The following PDE4D variants were observed in gnomAD, a reference collection of about 807,000 sequenced individuals.
PDE4D encodes phosphodiesterase 4D, also known as 3',5'-cyclic-AMP phosphodiesterase 4D.
Under a neutral mutation model 87.4 loss-of-function variants are expected in PDE4D, and 24 were observed. That is an observed-to-expected ratio of 0.27 (90% CI 0.20 to 0.39). PDE4D has a LOEUF of 0.39. Among genes scored for constraint, PDE4D ranks in the 10% least tolerant of loss-of-function variants. The pLI, the probability that PDE4D is intolerant of heterozygous loss-of-function variation, is 1.00. For missense variants in PDE4D, 714 were observed against 1,041.0 expected (o/e 0.69, Z 4.32); for synonymous variants, 384 against 383.2 (o/e 1.00, Z -0.02).
At chr5:59,623,517 G>A (rs779758861) in intron 1 of PDE4D, among the ~76,000 whole-genome samples, 7 of 152,142 alleles carry the variant, frequency 4.6e-5, no homozygotes, top group African/African-American at 1.4e-4. Context: ...TTCCATCTCC[G>A]AGGCTTGAAA....
chr5:59,615,111 T>A (rs1263339555), intron 1 of PDE4D, among the ~76,000 whole-genome samples: 1 of 152,200 alleles, frequency 6.6e-6, no homozygotes, highest in Non-Finnish European at 1.5e-5. Flanking sequence ...ATTACAGGCA[T>A]GAGCCACCAC....
intron 1 of PDE4D, among the ~76,000 whole-genome samples, chr5:59,345,991 TAAGTA>T (rs1228159742): frequency 6.6e-6 from 1 of 152,162 alleles, no homozygotes; most frequent in African/African-American, 2.4e-5. Context: ...AACACTAGAA[TAAGTA>T]AATTGTAGCA....
chr5:59,528,941 T>C, intron 1 of PDE4D: 1 of 428,584 alleles, frequency 2.3e-6, no homozygotes, highest in Middle Eastern at 4.5e-4. Context: ...GACATATCTC[T>C]GGAAGGCTGG....
intron 1 of PDE4D, among the ~76,000 whole-genome samples, chr5:60,282,208 C>CATATATATATACAT (rs1235728150): frequency 7.8e-6 from 1 of 128,380 alleles, no homozygotes; most frequent in African/African-American, 2.8e-5. Flanking sequence ...GAGAAATAAA[C>CATATATATATACAT]ATATATATAT....
intron 1 of PDE4D, among the ~76,000 whole-genome samples, chr5:59,571,604 C>A (rs1463266871): frequency 6.6e-6 from 1 of 152,144 alleles, no homozygotes; most frequent in Non-Finnish European, 1.5e-5. Flanking sequence ...AATCAAACAT[C>A]TTTTACTCAT....
Position 59,702,063 on chromosome 5 carries a change from T to C in PDE4D, c.455+191105A>G, listed in dbSNP as rs1222329069. 3.3e-5 allele frequency among the ~76,000 whole-genome samples: 5 copies of C among 152,210 alleles called. No individual in the cohort carries two copies. In the East Asian group the frequency reaches 9.6e-4, roughly 29 times the overall value. On this transcript the variant is annotated intron_variant, in intron 1 of 14. Transcript: ENST00000340635. ...GGAAGCTAGGTGAAAGAGGTTTTCA[T>C]ACATCAACAGCAACATCACCTGGAA... is the stretch of plus-strand genomic sequence containing the variant.
upstream of PDE4D, among the ~76,000 whole-genome samples, chr5:59,897,439 G>A (rs146447443): frequency 8.6e-4 from 131 of 152,188 alleles, 1 homozygote; most frequent in South Asian, 3.1e-3. Context: ...GGCAATGGGA[G>A]GAGGATTTTT....
At chr5:60,102,325 G>C (rs1411492513) in intron 2 of PDE4D, among the ~76,000 whole-genome samples, 1 of 151,998 alleles carries the variant, frequency 6.6e-6, no homozygotes, top group African/African-American at 2.4e-5. Context: ...AGTATTGTGT[G>C]ATGTTGAGGT....
In PDE4D at chr5:60,129,271, A is replaced by G. The variant is rs115647711; in HGVS notation, c.42+56286T>C. Reference sequence around the variant, plus strand: ...AGAAAACCTGGTATGCATATTTCATATGCTTAATCATAACTTCTTCTTTAA... The same window carrying G: ...AGAAAACCTGGTATGCATATTTCATGTGCTTAATCATAACTTCTTCTTTAA... On this transcript the variant is annotated intron_variant, in intron 2 of 16. Transcript: ENST00000502484. 3.4e-3 allele frequency among the ~76,000 whole-genome samples: 513 copies of G among 152,346 alleles called. 1 individual carries two copies. The highest frequency in any genetic ancestry group is 5.6e-3 in the Non-Finnish European group (378 of 68,034).
intron 2 of PDE4D, among the ~76,000 whole-genome samples, chr5:60,093,456 T>G (rs1193441918): frequency 6.6e-6 from 1 of 152,162 alleles, no homozygotes; most frequent in East Asian, 1.9e-4. Context: ...ATATACCAGT[T>G]TTCATATCAG....
intron 6 of PDE4D, among the ~76,000 whole-genome samples, chr5:59,017,034 T>A (rs565500410): frequency 7.2e-5 from 11 of 152,272 alleles, no homozygotes; most frequent in Admixed American, 6.5e-4. Flanking sequence ...GAGACTCGAA[T>A]GCCTAGAATA....
chr5:59,901,921 CAA>C (rs1209686606), intron 3 of PDE4D, among the ~76,000 whole-genome samples: 1 of 113,092 alleles, frequency 8.8e-6, no homozygotes, highest in Admixed American at 9.7e-5. Flanking sequence ...GTCTTACATG[CAA>C]ACACACACAC....
intron 1 of PDE4D, among the ~76,000 whole-genome samples, chr5:60,257,446 C>CA (rs1247960920): frequency 1.7e-4 from 26 of 151,740 alleles, no homozygotes; most frequent in Admixed American, 4.6e-4. Flanking sequence ...TCATGCAAGA[C>CA]AAAAAAAGTA....
intron 1 of PDE4D, among the ~76,000 whole-genome samples, chr5:59,572,349 A>G (rs1374097111): frequency 1.3e-5 from 2 of 152,202 alleles, no homozygotes. Flanking sequence ...ATTTTTTAAT[A>G]AGAAACATAT....
chr5:59,831,864 A>G (rs906746024), intron 1 of PDE4D, among the ~76,000 whole-genome samples: 2 of 152,092 alleles, frequency 1.3e-5, no homozygotes, highest in African/African-American at 4.8e-5. Context: ...CATATCAGAT[A>G]AAAAGAAGAG....
At chr5:60,407,344 G>T (rs1031240705) in intron 1 of PDE4D, among the ~76,000 whole-genome samples, 1 of 150,948 alleles carries the variant, frequency 6.6e-6, no homozygotes, top group Non-Finnish European at 1.5e-5. Context: ...CTGGATCCGC[G>T]CAGTCACAAG....
chr5:59,293,790 A>G (rs760272427), intron 1 of PDE4D, among the ~76,000 whole-genome samples: 11 of 152,090 alleles, frequency 7.2e-5, no homozygotes, highest in Non-Finnish European at 1.6e-4. Context: ...TCAAATTTCA[A>G]TGTCTGAGAT....
At position 60,449,151 on chromosome 5, in the gene PDE4D, C is replaced by T. The variant is rs146472907; in HGVS notation, c.-90+38791G>A. Among the ~76,000 whole-genome samples the T allele has an allele frequency of 1.2e-3, 178 of 143,228 alleles. 2 individuals are homozygous for T. The East Asian group carries it at 0.028, about 23-fold the overall frequency. The allele number at this position is 143,228 out of a possible 152,430, so 94.0% of individuals were successfully genotyped here. ...GTTAAACACAGAAACCATTAATTTGCTAAAATCTCCCTAGATCCCATTTTT... is the reference window on the plus strand; with the variant it reads ...GTTAAACACAGAAACCATTAATTTGTTAAAATCTCCCTAGATCCCATTTTT... On this transcript the variant is annotated intron_variant, in intron 1 of 16. Coordinates refer to the PDE4D transcript ENST00000502484.
At position 59,466,369 on chromosome 5, in the gene PDE4D, G is replaced by A. The variant is rs371471131; in HGVS notation, c.456-250401C>T. Among the ~76,000 whole-genome samples the A allele has an allele frequency of 3.9e-5, 6 of 152,176 alleles. No individual in the cohort carries two copies. In the East Asian group the frequency reaches 7.7e-4, roughly 20 times the overall value. Reference sequence around the variant, plus strand: ...CCTCCAAAAACCTGCCTCTAGTTCAGAAGACTCTTCACTGGGTAATTATTT... The same window carrying A: ...CCTCCAAAAACCTGCCTCTAGTTCAAAAGACTCTTCACTGGGTAATTATTT... On this transcript the variant is annotated intron_variant, in intron 1 of 14. Transcript: ENST00000340635.
Sources: allele counts gnomAD v4.1 joint callset (sites outside exome capture counted in the v4.1 genomes callset), GRCh38; gene constraint gnomAD v4.1.1; transcripts MANE v1.5; gene names NCBI Gene and HGNC (gene_info 2026-07-23, HGNC 2026-07-21).